GLI3: variants seen among roughly 807,000 people sequenced by gnomAD.
GLI3 encodes the protein transcription activator GLI3.
GLI3 carries 20 observed loss-of-function variants against 100.8 expected under a neutral mutation model. That is an observed-to-expected ratio of 0.20 (90% CI 0.14 to 0.29). The LOEUF is 0.29. GLI3 is among the 10% of genes least tolerant of loss of function. The pLI, the probability that GLI3 is intolerant of heterozygous loss-of-function variation, is 1.00. For missense variants in GLI3, 2,040 were observed against 2,128.5 expected, an observed-to-expected ratio of 0.96 and a Z score of 0.82; for synonymous variants, 938 against 860.5, an observed-to-expected ratio of 1.09 and a Z score of -1.58.
chr7:41,995,838 C>T (rs1435224311), intron 10 of GLI3, among the ~76,000 whole-genome samples: 1 of 152,156 alleles, frequency 6.6e-6, no homozygotes, highest in Non-Finnish European at 1.5e-5. Flanking sequence ...ACACAGTGTA[C>T]TCCTGATACT....
chr7:42,164,241 C>A (rs1787192901), intron 2 of GLI3, among the ~76,000 whole-genome samples: 1 of 152,178 alleles, frequency 6.6e-6, no homozygotes, highest in Admixed American at 6.5e-5. Flanking sequence ...AATCTAAAGA[C>A]CAGACATGGT....
chr7:42,084,901 CTTTTTTTTTTTT>C (rs747166719), intron 3 of GLI3, among the ~76,000 whole-genome samples: 4 of 47,502 alleles, frequency 8.4e-5, no homozygotes, highest in African/African-American at 3.1e-4. Flanking sequence ...CATTTGGATT[CTTTTTTTTTTTT>C]TTTTTTTTTT....
rs10250283 is a variant in GLI3 at position 42,068,972 on chromosome 7, G to T, written c.473+7780C>A. Among the ~76,000 whole-genome samples the T allele has an allele frequency of 5.4e-3, 825 of 152,202 alleles. 5 individuals carry two copies. The highest frequency in any genetic ancestry group is 0.019 in the African/African-American group (774 of 41,526). On this transcript the variant is annotated intron_variant, in intron 4 of 14. Transcript: ENST00000395925. Reference sequence around the variant, plus strand: ...TAAATTTCTGTTTTCTTTGAAGCCAGGCTTAACATGAGTGGAAGCATTGTA... The same window carrying T: ...TAAATTTCTGTTTTCTTTGAAGCCATGCTTAACATGAGTGGAAGCATTGTA...
chr7:42,041,723 C>A (rs563120311), intron 6 of GLI3, among the ~76,000 whole-genome samples: 2 of 151,930 alleles, frequency 1.3e-5, no homozygotes, highest in East Asian at 1.9e-4. Context: ...GTTCTTGATA[C>A]AAGATAACAA....
chr7:42,017,961 A>G (rs1443069661), intron 10 of GLI3, among the ~76,000 whole-genome samples: 1 of 152,118 alleles, frequency 6.6e-6, no homozygotes, highest in Non-Finnish European at 1.5e-5. Flanking sequence ...GTTTCACAGT[A>G]TGATAAGTGA....
chr7:42,019,047 G>C (rs548692080), intron 10 of GLI3, among the ~76,000 whole-genome samples: 35 of 152,290 alleles, frequency 2.3e-4, no homozygotes, highest in Non-Finnish European at 7.4e-5. Flanking sequence ...AATATTACAT[G>C]TGTTATTTCT....
Position 41,964,746 on chromosome 7 carries a change from A to G in GLI3, c.4327T>C (p.Phe1443Leu). The G allele has an allele frequency of 6.2e-7, 1 of 1,613,636 alleles. No individual in the cohort carries two copies. Among genetic ancestry groups the G allele is most frequent in the Non-Finnish European group, 8.5e-7 (1 of 1,179,508 alleles). The stretch of plus-strand genomic sequence containing the variant: ...CTGAAGCCCACGGTTTGGTCATAGA[A>G]CTGACCAGAGTAATTCTGCAGATTA... Reference protein sequence around the residue: ...CSNLQNYSGQFYDQTVGFSQQ... With the variant: ...CSNLQNYSGQLYDQTVGFSQQ... The change falls in exon 15 of 15, where the codon TTC becomes CTC. Residue 1443 changes from phenylalanine to leucine, a missense_variant. Transcript: ENST00000395925.
At chr7:42,248,137 G>A (rs185156638) in intron 1 of GLI3, among the ~76,000 whole-genome samples, 2 of 152,272 alleles carry the variant, frequency 1.3e-5, no homozygotes, top group African/African-American at 4.8e-5. Context: ...ATACCTTCGA[G>A]TCCTTTCCTA....
chr7:41,997,100 T>A (rs963260507), intron 10 of GLI3, among the ~76,000 whole-genome samples: 2 of 152,192 alleles, frequency 1.3e-5, no homozygotes, highest in East Asian at 3.8e-4. Context: ...TTCACTGTTT[T>A]CCTTTCAGGG....
At chr7:42,154,359 T>C (rs1786951199) in intron 2 of GLI3, among the ~76,000 whole-genome samples, 1 of 152,254 alleles carries the variant, frequency 6.6e-6, no homozygotes, top group South Asian at 2.1e-4. Context: ...CCAGGGGCTT[T>C]GTGTGTTCCA....
chr7:41,974,311 C>T (rs897500080), intron 12 of GLI3, among the ~76,000 whole-genome samples: 1 of 152,154 alleles, frequency 6.6e-6, no homozygotes, highest in African/African-American at 2.4e-5. Context: ...TACACATTAT[C>T]TACCCACAAA....
chr7:42,108,578 A>C (rs943613806), intron 3 of GLI3, among the ~76,000 whole-genome samples: 6 of 152,156 alleles, frequency 3.9e-5, no homozygotes, highest in Non-Finnish European at 8.8e-5. Flanking sequence ...GCACAACTGT[A>C]CACAGACACC....
At chr7:42,182,662 A>ATATATATATACACATGTGTGTGTG in intron 2 of GLI3, among the ~76,000 whole-genome samples, 1 of 76,714 alleles carries the variant, frequency 1.3e-5, no homozygotes, top group South Asian at 4.7e-4. Context: ...ATATATATAT[A>ATATATATATACACATGTGTGTGTG]TATATATATA....
chr7:42,223,230 G>A lies in GLI3; in HGVS notation c.24C>T (p.Ser8=), dbSNP rs773208038. The A allele has an allele frequency of 1.2e-6, 2 of 1,613,508 alleles. No individual in the cohort carries two copies. Among genetic ancestry groups the A allele is most frequent in the Non-Finnish European group, 1.7e-6 (2 of 1,179,612 alleles). The change falls in exon 2 of 15, where the codon TCC becomes TCT. Residue 8 remains serine, a synonymous_variant. Transcript: ENST00000395925. ...CAACTTTTTTCTTTTCAGTGGTCGT[G>A]GAGCTGTGGGACTGGGCCTCCATGA... MEAQSHS[S]TTTEKKKVEN... is the part of the protein sequence containing the mutation.
intron 2 of GLI3, among the ~76,000 whole-genome samples, chr7:42,184,937 C>T (rs894901703): frequency 6.6e-6 from 1 of 152,150 alleles, no homozygotes; most frequent in Non-Finnish European, 1.5e-5. Context: ...CCCCTCTCTT[C>T]CCCAGATGCC....
intron 4 of GLI3, among the ~76,000 whole-genome samples, chr7:42,069,611 T>C (rs780749509): frequency 7.9e-5 from 12 of 152,112 alleles, no homozygotes; most frequent in African/African-American, 1.2e-4. Flanking sequence ...GTAGAAAACA[T>C]GACACATGGC....
At chr7:42,186,079 T>C (rs1787711043) in intron 2 of GLI3, among the ~76,000 whole-genome samples, 2 of 152,172 alleles carry the variant, frequency 1.3e-5, no homozygotes, top group Admixed American at 1.3e-4. Context: ...TGGCTCAGCA[T>C]ATGAGAACCA....
At chr7:42,166,472 G>A (rs779184148) in intron 2 of GLI3, among the ~76,000 whole-genome samples, 4 of 152,114 alleles carry the variant, frequency 2.6e-5, no homozygotes, top group Admixed American at 6.5e-5. Context: ...TCGGGATGAG[G>A]CCCCAGAGGG....
intron 2 of GLI3, among the ~76,000 whole-genome samples, chr7:42,219,978 C>T (rs1224099699): frequency 1.3e-5 from 2 of 151,802 alleles, no homozygotes; most frequent in East Asian, 3.9e-4. Flanking sequence ...CTCAGCCTCC[C>T]GAGTGGCTGG....
Sources: allele counts gnomAD v4.1 joint callset (sites outside exome capture counted in the v4.1 genomes callset), GRCh38; gene constraint gnomAD v4.1.1; transcripts MANE v1.5; gene names NCBI Gene and HGNC (gene_info 2026-07-23, HGNC 2026-07-21).